PARD3B: variants seen among roughly 807,000 people sequenced by gnomAD.
PARD3B encodes the protein par-3 family cell polarity regulator beta.
A neutral mutation model predicts 130.2 loss-of-function variants in PARD3B; 103 were observed. The observed-to-expected ratio is 0.79, with a 90% confidence interval of 0.67 to 0.93. The LOEUF is 0.93. Among genes scored for constraint, PARD3B ranks in the 40% least tolerant of loss-of-function variants. The probability of loss-of-function intolerance (pLI) is 0.00; values close to 1 mark genes in which losing one functional copy is unlikely to be tolerated. For synonymous variants in PARD3B, 583 were observed against 553.2 expected, an observed-to-expected ratio of 1.05 and a Z score of -0.76; for missense variants, 1,609 against 1,499.2, an observed-to-expected ratio of 1.07 and a Z score of -1.21.
At chr2:205,570,454 G>A (rs754322944) in intron 22 of PARD3B, among the ~76,000 whole-genome samples, 3 of 151,918 alleles carry the variant, frequency 2.0e-5, no homozygotes, top group Non-Finnish European at 2.9e-5. Flanking sequence ...TACCCATACA[G>A]TAGTTTATTG....
chr2:205,219,021 G>A (rs574590737), intron 15 of PARD3B, among the ~76,000 whole-genome samples: 1 of 151,706 alleles, frequency 6.6e-6, no homozygotes, highest in African/African-American at 2.4e-5. Flanking sequence ...CGGAAGTTAC[G>A]GTGAGCTGAG....
At chr2:205,613,526 T>G (rs987021900) in intron 22 of PARD3B, among the ~76,000 whole-genome samples, 5 of 152,238 alleles carry the variant, frequency 3.3e-5, no homozygotes, top group Admixed American at 2.0e-4. Context: ...AGAGCCTTTA[T>G]TTCCCATGGC....
chr2:204,951,054 A>T lies in PARD3B; in HGVS notation c.223-14098A>T, dbSNP rs555116303. Among the ~76,000 whole-genome samples the T allele has an allele frequency of 5.5e-4, 84 of 152,250 alleles. 1 individual carries two copies. The South Asian group carries it at 0.012, about 22-fold the overall frequency. On this transcript the variant is annotated intron_variant, in intron 2 of 22. Transcript: ENST00000406610. ...ATTGAGGGAAGAAGTCAAACCAGAG[A>T]TTGCTTAGGAAATGTGAAACCAGAA...
intron 3 of PARD3B, among the ~76,000 whole-genome samples, chr2:205,029,175 AAT>A (rs1697246010): frequency 6.6e-6 from 1 of 152,102 alleles, no homozygotes; most frequent in South Asian, 2.1e-4. Context: ...AATGTTCACA[AAT>A]ATATATGCAC....
At chr2:205,169,364 C>G (rs2035015648) in intron 11 of PARD3B, among the ~76,000 whole-genome samples, 1 of 152,092 alleles carries the variant, frequency 6.6e-6, no homozygotes, top group Non-Finnish European at 1.5e-5. Flanking sequence ...GAAACATGCC[C>G]TACTTCAGTG....
chr2:204,733,410 T>C (rs1057148702), intron 2 of PARD3B, among the ~76,000 whole-genome samples: 4 of 151,736 alleles, frequency 2.6e-5, no homozygotes, highest in African/African-American at 9.7e-5. Context: ...AGTTTTTATG[T>C]CATTAAAAAT....
intron 1 of PARD3B, among the ~76,000 whole-genome samples, chr2:204,603,433 G>A (rs776665667): frequency 6.6e-6 from 1 of 152,040 alleles, no homozygotes; most frequent in African/African-American, 2.4e-5. Context: ...TTTCTCTACT[G>A]GGGCAAGTTA....
intron 21 of PARD3B, among the ~76,000 whole-genome samples, chr2:205,519,240 A>C (rs1025901218): frequency 6.6e-6 from 1 of 152,164 alleles, no homozygotes; most frequent in Non-Finnish European, 1.5e-5. Context: ...GTCTCTTTTC[A>C]TAATCCCATA....
At chr2:205,155,583 A>G (rs1254209272) in intron 10 of PARD3B, among the ~76,000 whole-genome samples, 2 of 152,224 alleles carry the variant, frequency 1.3e-5, no homozygotes, top group Admixed American at 6.5e-5. Context: ...AAAAAATAAT[A>G]AAACACTTTC....
At chr2:204,697,456 A>G (rs2037664590) in intron 2 of PARD3B, among the ~76,000 whole-genome samples, 1 of 152,152 alleles carries the variant, frequency 6.6e-6, no homozygotes, top group Admixed American at 6.5e-5. Context: ...TCAGCTGAAT[A>G]TAATGAACAG....
chr2:204,913,404 C>A (rs186190482), intron 2 of PARD3B, among the ~76,000 whole-genome samples: 1 of 152,110 alleles, frequency 6.6e-6, no homozygotes, highest in African/African-American at 2.4e-5. Context: ...ACTTTTGAGA[C>A]GATTGTGAGA....
chr2:204,926,897 A>G (rs559545480), intron 2 of PARD3B, among the ~76,000 whole-genome samples: 12 of 152,188 alleles, frequency 7.9e-5, no homozygotes, highest in South Asian at 6.2e-4. Context: ...TGACATCTAA[A>G]CATACATGAC....
chr2:205,373,840 A>T (rs1248260182), intron 18 of PARD3B, among the ~76,000 whole-genome samples: 1 of 152,186 alleles, frequency 6.6e-6, no homozygotes, highest in Non-Finnish European at 1.5e-5. Flanking sequence ...GTTTATGTAG[A>T]ATTATGTAAT....
At chr2:205,570,306 G>A (rs906154913) in intron 22 of PARD3B, among the ~76,000 whole-genome samples, 1 of 152,142 alleles carries the variant, frequency 6.6e-6, no homozygotes, top group African/African-American at 2.4e-5. Flanking sequence ...TGAATTAAGG[G>A]ATTCACTGTA....
chr2:205,276,600 G>A lies in PARD3B; in HGVS notation c.2186-23930G>A, dbSNP rs1198049194. ...CAAATGGCCCTTCTCGGCAACGTTGGGGGATATTTATTCCGGGGAAGTCAG... is the reference window on the plus strand; with the variant it reads ...CAAATGGCCCTTCTCGGCAACGTTGAGGGATATTTATTCCGGGGAAGTCAG... On this transcript the variant is annotated intron_variant, in intron 16 of 22. Transcript: ENST00000406610. This position sits in a 1 kb window ranked among gnomAD's most constrained non-coding sequence, Gnocchi z 5.0. 6.6e-6 allele frequency among the ~76,000 whole-genome samples: 1 copy of A among 152,150 alleles called. No homozygotes were observed. Among genetic ancestry groups the A allele is most frequent in the African/African-American group, 2.4e-5 (1 of 41,434 alleles).
intron 16 of PARD3B, among the ~76,000 whole-genome samples, chr2:205,248,872 G>T (rs984243662): frequency 3.1e-4 from 47 of 152,010 alleles, no homozygotes; most frequent in South Asian, 8.3e-4. Flanking sequence ...CTCCCAAAGT[G>T]CTGGGATTAC....
At chr2:204,956,300 G>A (rs1690232332) in intron 2 of PARD3B, among the ~76,000 whole-genome samples, 1 of 152,144 alleles carries the variant, frequency 6.6e-6, no homozygotes, top group African/African-American at 2.4e-5. Context: ...GAAGTTGTAG[G>A]GAAGGAGGGA....
intron 2 of PARD3B, among the ~76,000 whole-genome samples, chr2:204,852,486 A>G (rs905048954): frequency 6.6e-6 from 1 of 151,906 alleles, no homozygotes; most frequent in Non-Finnish European, 1.5e-5. Flanking sequence ...ATTTTTTCCC[A>G]ATGCAAATCA....
At chr2:204,857,603 A>G (rs2045004741) in intron 2 of PARD3B, among the ~76,000 whole-genome samples, 2 of 152,188 alleles carry the variant, frequency 1.3e-5, no homozygotes, top group Admixed American at 1.3e-4. Flanking sequence ...AATTATAGAT[A>G]AATATTTTTG....
Sources: allele counts gnomAD v4.1 joint callset (sites outside exome capture counted in the v4.1 genomes callset), GRCh38; gene constraint gnomAD v4.1.1; non-coding constraint Gnocchi (gnomAD v3.1); transcripts MANE v1.5; gene names NCBI Gene and HGNC (gene_info 2026-07-23, HGNC 2026-07-21).